Variants in PCDH9 observed in about 807,000 individuals in gnomAD.
PCDH9 encodes the protein protocadherin 9.
In PCDH9, 24 loss-of-function variants were observed where a neutral mutation model predicts 70.6. That is an observed-to-expected ratio of 0.34 (90% CI 0.25 to 0.48). The LOEUF (loss-of-function observed/expected upper bound fraction) is 0.48. Among genes scored for constraint, PCDH9 ranks in the 20% least tolerant of loss-of-function variants. The pLI, the probability that PCDH9 is intolerant of heterozygous loss-of-function variation, is 0.99. For missense variants in PCDH9, 1,281 were observed against 1,503.6 expected, an observed-to-expected ratio of 0.85 and a Z score of 2.45; for synonymous variants, 562 against 558.5, an observed-to-expected ratio of 1.01 and a Z score of -0.09.
At chr13:66,503,053 G>T (rs187326172) in intron 4 of PCDH9, among the ~76,000 whole-genome samples, 1 of 152,014 alleles carries the variant, frequency 6.6e-6, no homozygotes, top group Admixed American at 6.5e-5. Context: ...AGTCCAGGAT[G>T]GGGGGAGGAA....
chr13:66,949,973 A>T (rs1265119618), intron 2 of PCDH9, among the ~76,000 whole-genome samples: 1 of 152,090 alleles, frequency 6.6e-6, no homozygotes, highest in Non-Finnish European at 1.5e-5. Flanking sequence ...TGATTAGAAG[A>T]CCATGTCTTC....
At chr13:66,719,234 G>A (rs775084085) in intron 3 of PCDH9, among the ~76,000 whole-genome samples, 12 of 151,168 alleles carry the variant, frequency 7.9e-5, no homozygotes, top group African/African-American at 7.3e-5. Flanking sequence ...TAATATTCCC[G>A]TGAGTCAATT....
At chr13:66,938,585 A>G (rs2082955333) in intron 2 of PCDH9, among the ~76,000 whole-genome samples, 1 of 152,196 alleles carries the variant, frequency 6.6e-6, no homozygotes, top group Non-Finnish European at 1.5e-5. Flanking sequence ...CAATGTTCTC[A>G]TCAGTAATTC....
chr13:66,478,186 C>T (rs955116131), intron 4 of PCDH9, among the ~76,000 whole-genome samples: 2 of 152,124 alleles, frequency 1.3e-5, no homozygotes, highest in African/African-American at 4.8e-5. Context: ...TTTGGAGGAC[C>T]ACAAGCCATG....
intron 2 of PCDH9, chr13:67,224,730 C>CTTTTTTT (rs200944675): frequency 2.0e-6 from 1 of 496,844 alleles, no homozygotes; most frequent in African/African-American, 2.3e-5. Flanking sequence ...AGCAAGCATT[C>CTTTTTTT]TTTTTTTTTT....
chr13:66,996,438 G>A (rs969109664), intron 2 of PCDH9, among the ~76,000 whole-genome samples: 4 of 152,068 alleles, frequency 2.6e-5, no homozygotes, highest in African/African-American at 9.7e-5. Flanking sequence ...ATTAGGGTGG[G>A]TGAGGTAGGC....
intron 2 of PCDH9, among the ~76,000 whole-genome samples, chr13:67,139,561 A>G (rs2087320931): frequency 6.6e-6 from 1 of 152,204 alleles, no homozygotes; most frequent in Non-Finnish European, 1.5e-5. Flanking sequence ...ACTGAAATGC[A>G]CTATTGTAAG....
intron 3 of PCDH9, among the ~76,000 whole-genome samples, chr13:66,667,589 C>T (rs2078113981): frequency 6.6e-6 from 1 of 152,086 alleles, no homozygotes; most frequent in Admixed American, 6.6e-5. Flanking sequence ...TGTTTTATTA[C>T]TTAGTAGCTT....
intron 4 of PCDH9, among the ~76,000 whole-genome samples, chr13:66,409,310 G>C (rs961333866): frequency 6.6e-6 from 1 of 152,084 alleles, no homozygotes; most frequent in Non-Finnish European, 1.5e-5. Context: ...CATGATTTCT[G>C]TATTTGCTGT....
At chr13:66,486,516 G>T (rs1214278003) in intron 4 of PCDH9, among the ~76,000 whole-genome samples, 1 of 151,790 alleles carries the variant, frequency 6.6e-6, no homozygotes, top group African/African-American at 2.4e-5. Context: ...TATGCCTGTA[G>T]TCCCAGCTAC....
At chr13:66,876,020 A>C (rs1032724297) in intron 3 of PCDH9, among the ~76,000 whole-genome samples, 36 of 152,320 alleles carry the variant, frequency 2.4e-4, no homozygotes, top group Admixed American at 4.6e-4. Context: ...CCATCAAAAC[A>C]ATTCATCAAG....
intron 4 of PCDH9, among the ~76,000 whole-genome samples, chr13:66,556,689 T>G (rs950899787): frequency 6.6e-6 from 1 of 152,174 alleles, no homozygotes; most frequent in Non-Finnish European, 1.5e-5. Flanking sequence ...ATCATAAAAA[T>G]TTTTAAAGTA....
intron 4 of PCDH9, among the ~76,000 whole-genome samples, chr13:66,535,777 G>A (rs1250895770): frequency 2.0e-5 from 3 of 152,004 alleles, no homozygotes; most frequent in African/African-American, 7.2e-5. Flanking sequence ...ACTCAGGAAA[G>A]GCTCTGGTTG....
chr13:66,820,371 G>C (rs752575631), intron 3 of PCDH9, among the ~76,000 whole-genome samples: 1 of 152,076 alleles, frequency 6.6e-6, no homozygotes, highest in Non-Finnish European at 1.5e-5. Flanking sequence ...AGTATTAAAA[G>C]AAAAAGTAAC....
intron 4 of PCDH9, among the ~76,000 whole-genome samples, chr13:66,423,856 G>T (rs936248175): frequency 6.6e-6 from 1 of 151,996 alleles, no homozygotes; most frequent in Non-Finnish European, 1.5e-5. Flanking sequence ...AGAAATAAAG[G>T]GTATTCAGAT....
chr13:66,909,994 C>A (rs1421897989), intron 2 of PCDH9, among the ~76,000 whole-genome samples: 1 of 152,120 alleles, frequency 6.6e-6, no homozygotes, highest in East Asian at 1.9e-4. Flanking sequence ...TCTCTTGACC[C>A]TACAGATAAT....
intron 3 of PCDH9, among the ~76,000 whole-genome samples, chr13:66,741,861 G>A (rs1417591659): frequency 7.2e-6 from 1 of 139,094 alleles, no homozygotes; most frequent in Non-Finnish European, 1.5e-5. Context: ...ACAAATGGAA[G>A]AACATTCCAT....
chr13:67,183,298 A>C (rs778345532), intron 2 of PCDH9, among the ~76,000 whole-genome samples: 5 of 152,118 alleles, frequency 3.3e-5, no homozygotes, highest in African/African-American at 4.8e-5. Context: ...AAAACTAAGC[A>C]TGTGAAGTGG....
At chr13:66,406,526 A>C (rs994908196) in intron 4 of PCDH9, among the ~76,000 whole-genome samples, 1 of 152,180 alleles carries the variant, frequency 6.6e-6, no homozygotes, top group Non-Finnish European at 1.5e-5. Flanking sequence ...AAACTTCAAA[A>C]AAGTGATTAT....
Sources: allele counts gnomAD v4.1 joint callset (sites outside exome capture counted in the v4.1 genomes callset), GRCh38; gene constraint gnomAD v4.1.1; transcripts MANE v1.5; gene names NCBI Gene and HGNC (gene_info 2026-07-23, HGNC 2026-07-21).